Variants in MDM2 observed in about 807,000 individuals in gnomAD.
MDM2 encodes E3 ubiquitin-protein ligase Mdm2.
In MDM2, 11 loss-of-function variants were observed where a neutral mutation model predicts 64.3. The observed-to-expected ratio is 0.17, with a 90% CI of 0.11 to 0.28. The LOEUF is 0.28. MDM2 is among the 10% of genes least tolerant of loss of function. The pLI is 1.00. For synonymous variants in MDM2, 194 were observed against 192.9 expected (o/e 1.01, Z -0.05); for missense variants, 388 against 577.1 (o/e 0.67, Z 3.36).
intron 3 of MDM2, among the ~76,000 whole-genome samples, chr12:68,814,084 G>T (rs150491658): frequency 1.4e-4 from 22 of 152,148 alleles, no homozygotes; most frequent in Non-Finnish European, 2.4e-4. Flanking sequence ...ACGAAGTCTC[G>T]CTCTGTCACC....
At chr12:68,816,298 T>G (rs1225191121) in intron 3 of MDM2, among the ~76,000 whole-genome samples, 8 of 151,540 alleles carry the variant, frequency 5.3e-5, no homozygotes, top group African/African-American at 1.9e-4. Flanking sequence ...AAGGTTTGCT[T>G]AAGTAAATAG....
At chr12:68,808,713 C>T (rs1317834617) in intron 1 of MDM2, among the ~76,000 whole-genome samples, 3 of 149,766 alleles carry the variant, frequency 2.0e-5, no homozygotes, top group African/African-American at 7.4e-5. Context: ...TCGGACGGCT[C>T]TCGCGGCGGT....
At chr12:68,834,662 G>A (rs915725290) in intron 8 of MDM2, among the ~76,000 whole-genome samples, 1 of 151,720 alleles carries the variant, frequency 6.6e-6, no homozygotes, top group African/African-American at 2.4e-5. Context: ...GCTTGAACTT[G>A]GGAGGTGTAG....
chr12:68,831,581 G>A (rs1882801520), intron 8 of MDM2, among the ~76,000 whole-genome samples: 1 of 152,164 alleles, frequency 6.6e-6, no homozygotes, highest in African/African-American at 2.4e-5. Context: ...CATCTTAAAG[G>A]TTGCCAGCCT....
chr12:68,846,572 G>A (rs59990811), downstream of MDM2: 1 of 152,032 alleles, frequency 6.6e-6, no homozygotes, highest in Non-Finnish European at 1.5e-5. Flanking sequence ...ATTTCACTAC[G>A]TTTGGTCCTA....
At chr12:68,826,131 A>G (rs1460677594) in intron 7 of MDM2, among the ~76,000 whole-genome samples, 2 of 152,152 alleles carry the variant, frequency 1.3e-5, no homozygotes, top group Non-Finnish European at 2.9e-5. Flanking sequence ...GTAAATACGA[A>G]TGACTAATAA....
intron 4 of MDM2, among the ~76,000 whole-genome samples, chr12:68,819,612 C>G (rs752517452): frequency 6.6e-6 from 1 of 152,204 alleles, no homozygotes; most frequent in African/African-American, 2.4e-5. Flanking sequence ...CCGCCTCAGT[C>G]TCCTGAGTAG....
At chr12:68,823,668 G>T (rs546731856) in intron 5 of MDM2, among the ~76,000 whole-genome samples, 1 of 152,182 alleles carries the variant, frequency 6.6e-6, no homozygotes, top group East Asian at 1.9e-4. Flanking sequence ...AGAGTGATTT[G>T]TCACTCTTCT....
chr12:68,839,168 A>T, intron 10 of MDM2, 106 bp from the exon 11 acceptor site: 1 of 934,902 alleles, frequency 1.1e-6, no homozygotes, highest in Non-Finnish European at 1.6e-6. Context: ...CTGAATATTG[A>T]GCCCTATGAT....
chr12:68,840,106 G>GTTT lies in MDM2; in HGVS notation c.*266_*268dup. On this transcript the variant is annotated 3_prime_UTR_variant, in exon 11 of 11. Transcript: ENST00000258149. ...CTCTGTCTTAAATGAGAAGTACTTG[G>GTTT]TTTTTTTTTTTCTTAAATATGTATA... is the stretch of plus-strand genomic sequence containing the variant. 1.2e-5 allele frequency: 4 copies of GTTT among 335,726 alleles called. No individual in the cohort carries two copies. The highest frequency in any genetic ancestry group is 6.2e-5 in the South Asian group (1 of 16,184). 20.8% of individuals were successfully genotyped at this position (335,726 alleles called of 1,614,324 possible).
At chr12:68,818,038 C>T (rs920872398) in intron 4 of MDM2, among the ~76,000 whole-genome samples, 1 of 152,094 alleles carries the variant, frequency 6.6e-6, no homozygotes, top group African/African-American at 2.4e-5. Context: ...CGGTAATCCA[C>T]CTGCCATGGC....
chr12:68,818,821 C>T (rs1277395838), intron 4 of MDM2, among the ~76,000 whole-genome samples: 2 of 151,268 alleles, frequency 1.3e-5, no homozygotes, highest in African/African-American at 2.4e-5. Context: ...ACCTCTGCCT[C>T]CTGGGTTCAA....
In MDM2 at chr12:68,828,929, C is replaced by A. The variant is rs2067231772; in HGVS notation, c.682C>A (p.Pro228Thr). The change falls in exon 8 of 11, where the codon CCG becomes ACG. Residue 228 changes from proline (P) to threonine (T), a missense_variant and splice_region_variant. By Grantham distance (38) the Pro-to-Thr change is conservative. Coordinates refer to ENST00000258149, the MANE Select transcript of MDM2 (RefSeq NM_002392.6). ...TGAATCTACAGGGACGCCATCGAAT[C>A]CGGTAATGTTCTCATTTTAAGTAAG... ...SSESTGTPSN[P>T]DLDAGVSEHS... The A allele has an allele frequency of 1.2e-6, 2 of 1,613,640 alleles. No homozygotes were observed. Among genetic ancestry groups the A allele is most frequent in the African/African-American group, 2.7e-5 (2 of 74,894 alleles).
intron 5 of MDM2, among the ~76,000 whole-genome samples, chr12:68,820,644 T>G (rs1272987369): frequency 6.6e-6 from 1 of 152,222 alleles, no homozygotes; most frequent in Non-Finnish European, 1.5e-5. Context: ...TTTCAAAAGC[T>G]CCTGTTTAGG....
chr12:68,811,258 G>T (rs1442735546), intron 2 of MDM2, among the ~76,000 whole-genome samples: 1 of 152,060 alleles, frequency 6.6e-6, no homozygotes, highest in East Asian at 1.9e-4. Flanking sequence ...TTAGTAATTG[G>T]AGTAGCTCTA....
chr12:68,818,071 G>A (rs1881539800), intron 4 of MDM2, among the ~76,000 whole-genome samples: 1 of 152,168 alleles, frequency 6.6e-6, no homozygotes, highest in Non-Finnish European at 1.5e-5. Flanking sequence ...TGGGATTACA[G>A]ATGTGAGCAA....
chr12:68,808,944 G>C (rs1202574946), intron 1 of MDM2: 3 of 1,378,822 alleles, frequency 2.2e-6, no homozygotes, highest in South Asian at 3.5e-5. Flanking sequence ...GACACGTTCC[G>C]AAACTGCAGT....
intron 10 of MDM2, 108 bp from the exon 11 acceptor site, chr12:68,839,166 T>G: frequency 9.7e-6 from 9 of 924,916 alleles, no homozygotes; most frequent in Non-Finnish European, 1.5e-5. Context: ...CACTGAATAT[T>G]GAGCCCTATG....
chr12:68,823,727 T>G (rs1239175167), intron 5 of MDM2, among the ~76,000 whole-genome samples: 2 of 152,220 alleles, frequency 1.3e-5, no homozygotes, highest in Non-Finnish European at 2.9e-5. Context: ...GGATGTAATA[T>G]TTTCTGTGAG....
Sources: gnomAD v4.1 joint callset for allele counts (sites outside exome capture counted in the v4.1 genomes callset) on GRCh38, gnomAD v4.1.1 for gene constraint, MANE v1.5 for transcripts, NCBI Gene and HGNC (gene_info 2026-07-23, HGNC 2026-07-21) for gene names.